Variants in DIP2C observed in about 807,000 individuals in gnomAD.
DIP2C encodes the protein DIP2 acetate--CoA ligase C (putative).
DIP2C carries 33 observed loss-of-function variants against 192.4 expected under a neutral mutation model. That is an observed-to-expected ratio of 0.17 (90% CI 0.13 to 0.23). DIP2C has a LOEUF of 0.23. Ranked by LOEUF, DIP2C falls within the 10% of genes least tolerant of loss-of-function variation. DIP2C has a pLI of 1.00. For missense variants in DIP2C, 1,537 were observed against 2,110.1 expected (o/e 0.73, Z 5.32); for synonymous variants, 979 against 864.1 (o/e 1.13, Z -2.33).
intron 1 of DIP2C, among the ~76,000 whole-genome samples, chr10:590,939 A>C (rs908366674): frequency 9.8e-5 from 13 of 132,270 alleles, no homozygotes; most frequent in African/African-American, 5.5e-4. Flanking sequence ...CCGAGCCTCC[A>C]GTCTGTCCCC....
chr10:568,853 T>A (rs1193659421), intron 1 of DIP2C, among the ~76,000 whole-genome samples: 1 of 144,380 alleles, frequency 6.9e-6, no homozygotes, highest in African/African-American at 2.5e-5. Context: ...TCTGCAAATG[T>A]CTACCTGCAA....
chr10:557,179 T>G (rs1205148680), intron 1 of DIP2C, among the ~76,000 whole-genome samples: 1 of 152,196 alleles, frequency 6.6e-6, no homozygotes, highest in Admixed American at 6.5e-5. Flanking sequence ...GGGATGTGCC[T>G]GGCAGCCCCA....
chr10:374,653 C>A (rs1473872162), intron 17 of DIP2C, among the ~76,000 whole-genome samples: 1 of 152,200 alleles, frequency 6.6e-6, no homozygotes, highest in Non-Finnish European at 1.5e-5. Context: ...AAAATGCTTC[C>A]CAATTTGTTC....
intron 33 of DIP2C, 52 bp downstream of exon 33, chr10:288,312 C>CA: frequency 6.5e-7 from 1 of 1,527,018 alleles, no homozygotes; most frequent in Non-Finnish European, 9.0e-7. Context: ...AAAGCCCATA[C>CA]AGTCAGAAGC....
intron 9 of DIP2C, among the ~76,000 whole-genome samples, chr10:400,901 T>G (rs975406871): frequency 6.6e-6 from 1 of 151,236 alleles, no homozygotes; most frequent in Non-Finnish European, 1.5e-5. Context: ...TATGGACAAG[T>G]TTGGTACATT....
chr10:305,992 T>TAC (rs1468160239), intron 32 of DIP2C, among the ~76,000 whole-genome samples: 1 of 144,154 alleles, frequency 6.9e-6, no homozygotes. Flanking sequence ...TATATATATA[T>TAC]ATTATATTTT....
At chr10:543,217 G>A (rs1320745360) in intron 1 of DIP2C, among the ~76,000 whole-genome samples, 1 of 152,256 alleles carries the variant, frequency 6.6e-6, no homozygotes, top group East Asian at 1.9e-4. Context: ...TCCTTTGCAA[G>A]GGCTGAACCA....
intron 31 of DIP2C, among the ~76,000 whole-genome samples, chr10:311,199 C>T (rs1052156651): frequency 1.3e-5 from 2 of 152,224 alleles, no homozygotes; most frequent in South Asian, 4.2e-4. Context: ...CACAGACCAG[C>T]GCTGAGCAGA....
At chr10:506,984 G>A (rs567346015) in intron 1 of DIP2C, among the ~76,000 whole-genome samples, 1 of 152,218 alleles carries the variant, frequency 6.6e-6, no homozygotes, top group East Asian at 1.9e-4. Flanking sequence ...AGAGGCGTGT[G>A]GTCAAGGACC....
intron 3 of DIP2C, among the ~76,000 whole-genome samples, chr10:466,840 C>G (rs538129131): frequency 3.7e-5 from 5 of 133,874 alleles, no homozygotes; most frequent in African/African-American, 1.0e-4. Flanking sequence ...GAGATATCAT[C>G]GCACACCAGT....
intron 3 of DIP2C, among the ~76,000 whole-genome samples, chr10:469,965 G>A (rs1404865724): frequency 6.6e-6 from 1 of 152,192 alleles, no homozygotes; most frequent in East Asian, 1.9e-4. Flanking sequence ...GGCCTGTGTG[G>A]ACCTCGTATT....
chr10:448,197 C>T (rs1413904608), intron 3 of DIP2C, among the ~76,000 whole-genome samples: 4 of 71,248 alleles, frequency 5.6e-5, no homozygotes, highest in East Asian at 4.4e-4. Flanking sequence ...ACACACAGTG[C>T]GGCAGCAGGA....
intron 3 of DIP2C, among the ~76,000 whole-genome samples, chr10:471,575 T>A (rs539863008): frequency 6.6e-6 from 1 of 152,254 alleles, no homozygotes; most frequent in Non-Finnish European, 1.5e-5. Flanking sequence ...GTGAAGGGCA[T>A]TTGCAAAACA....
chr10:579,240 T>C (rs1021749488), intron 1 of DIP2C, among the ~76,000 whole-genome samples: 1 of 151,846 alleles, frequency 6.6e-6, no homozygotes, highest in African/African-American at 2.4e-5. Flanking sequence ...TGTACGTACA[T>C]AGGTACACTA....
intron 33 of DIP2C, among the ~76,000 whole-genome samples, chr10:287,289 T>C (rs1955193491): frequency 6.6e-6 from 1 of 152,194 alleles, no homozygotes; most frequent in Non-Finnish European, 1.5e-5. Context: ...ATATCTCACA[T>C]TCCACTGATA....
chr10:368,770 C>A (rs539481159), intron 18 of DIP2C, among the ~76,000 whole-genome samples: 1 of 152,222 alleles, frequency 6.6e-6, no homozygotes, highest in Non-Finnish European at 1.5e-5. Flanking sequence ...AGCCCACACC[C>A]CATGCCTGGA....
intron 18 of DIP2C, among the ~76,000 whole-genome samples, chr10:367,358 G>T (rs370757158): frequency 3.3e-5 from 5 of 151,686 alleles, no homozygotes; most frequent in Non-Finnish European, 7.4e-5. Context: ...CAGAGCCTGC[G>T]GTGAACCGAG....
intron 32 of DIP2C, among the ~76,000 whole-genome samples, chr10:301,040 T>C (rs915747708): frequency 6.6e-6 from 1 of 152,036 alleles, no homozygotes; most frequent in Admixed American, 6.6e-5. Context: ...GAAGAGCAAG[T>C]TTCCAGCAGG....
At chr10:612,286 C>T (rs545284090) in intron 1 of DIP2C, among the ~76,000 whole-genome samples, 4 of 146,888 alleles carry the variant, frequency 2.7e-5, no homozygotes, top group East Asian at 2.0e-4. Flanking sequence ...AGCAAGACTC[C>T]GTCTCAAAAA....
Sources: allele counts gnomAD v4.1 joint callset (sites outside exome capture counted in the v4.1 genomes callset), GRCh38; gene constraint gnomAD v4.1.1; transcripts MANE v1.5; gene names NCBI Gene and HGNC (gene_info 2026-07-23, HGNC 2026-07-21).